The following ITFG1 variants were observed in gnomAD, a reference collection of about 807,000 sequenced individuals.
ITFG1 encodes integrin alpha FG-GAP repeat containing 1.
A neutral mutation model predicts 81.8 loss-of-function variants in ITFG1; 34 were observed. That is an observed-to-expected ratio of 0.42 (90% CI 0.32 to 0.55). The LOEUF is 0.55. ITFG1 is among the 20% of genes least tolerant of loss of function. The pLI is 0.17. For missense variants in ITFG1, 672 were observed against 755.4 expected (o/e 0.89, Z 1.29); for synonymous variants, 285 against 270.6 (o/e 1.05, Z -0.52).
intron 12 of ITFG1, among the ~76,000 whole-genome samples, chr16:47,243,144 T>A (rs914946714): frequency 6.6e-6 from 1 of 152,202 alleles, no homozygotes; most frequent in Non-Finnish European, 1.5e-5. Flanking sequence ...CATTAAATTA[T>A]GTTGTAACCA....
At chr16:47,272,072 GACA>G (rs1216475534) in intron 10 of ITFG1, among the ~76,000 whole-genome samples, 1 of 152,168 alleles carries the variant, frequency 6.6e-6, no homozygotes, top group Non-Finnish European at 1.5e-5. Flanking sequence ...ATGGTCTGTT[GACA>G]ACAGAAAGAA....
At chr16:47,437,836 C>A (rs1224625562) in intron 5 of ITFG1, among the ~76,000 whole-genome samples, 1 of 152,186 alleles carries the variant, frequency 6.6e-6, no homozygotes, top group South Asian at 2.1e-4. Flanking sequence ...CTGGGGAATG[C>A]CGGACAGTGG....
intron 5 of ITFG1, among the ~76,000 whole-genome samples, chr16:47,433,792 T>TATAC (rs1491145615): frequency 4.6e-4 from 62 of 135,634 alleles, no homozygotes; most frequent in African/African-American, 1.6e-3. Flanking sequence ...TATATATATA[T>TATAC]ACACACACAC....
At chr16:47,263,550 T>C in intron 10 of ITFG1, 1 of 265,128 alleles carries the variant, frequency 3.8e-6, no homozygotes, top group Admixed American at 4.7e-5. Flanking sequence ...CTGTCATTGG[T>C]AATATGGATA....
intron 12 of ITFG1, among the ~76,000 whole-genome samples, chr16:47,250,799 G>C (rs1236422522): frequency 6.6e-6 from 1 of 152,228 alleles, no homozygotes; most frequent in Non-Finnish European, 1.5e-5. Flanking sequence ...GCAGGTCAGA[G>C]AGCTACTGGG....
chr16:47,166,010 C>T (rs192843761), intron 14 of ITFG1, among the ~76,000 whole-genome samples: 23 of 152,258 alleles, frequency 1.5e-4, no homozygotes, highest in Admixed American at 5.2e-4. Flanking sequence ...AGGCCATGAC[C>T]GGAAGTGAGG....
At position 47,460,825 on chromosome 16, in the gene ITFG1, G is replaced by A; in HGVS notation, c.208+13C>T. The A allele has an allele frequency of 1.9e-6, 3 of 1,612,246 alleles. No homozygotes were observed. Among genetic ancestry groups the A allele is most frequent in the Middle Eastern group, 1.7e-4 (1 of 6,050 alleles). The stretch of plus-strand genomic sequence containing the variant: ...CGGACAGCGAACAGAGGGAGGGCCC[G>A]GCAAGCACTGACTTTCCCGCAGCAC... On this transcript the variant is annotated intron_variant, in intron 1 of 17. Coordinates refer to ENST00000320640, the MANE Select transcript of ITFG1 (RefSeq NM_030790.5).
intron 10 of ITFG1, 37 bp from the exon 11 acceptor site, chr16:47,260,732 C>T (rs752592518): frequency 2.5e-6 from 4 of 1,607,956 alleles, no homozygotes; most frequent in Non-Finnish European, 3.4e-6. Flanking sequence ...TTAATATAAA[C>T]ATCAACACTG....
chr16:47,260,220 A>G (rs2151542169), intron 11 of ITFG1, among the ~76,000 whole-genome samples: 1 of 152,014 alleles, frequency 6.6e-6, no homozygotes, highest in Admixed American at 6.6e-5. Context: ...TACAGGTGTG[A>G]GCCACCGCGC....
At chr16:47,176,255 C>T (rs920356403) in intron 14 of ITFG1, among the ~76,000 whole-genome samples, 2 of 152,232 alleles carry the variant, frequency 1.3e-5, no homozygotes, top group Non-Finnish European at 2.9e-5. Flanking sequence ...GTTCTCATTA[C>T]TCACAGGGGA....
chr16:47,253,653 G>T (rs1270549369), intron 12 of ITFG1, among the ~76,000 whole-genome samples: 1 of 152,126 alleles, frequency 6.6e-6, no homozygotes, highest in African/African-American at 2.4e-5. Flanking sequence ...GCATTAGTTA[G>T]ATTCTCATAA....
intron 8 of ITFG1, among the ~76,000 whole-genome samples, chr16:47,353,716 T>C (rs1015041298): frequency 6.6e-6 from 1 of 151,828 alleles, no homozygotes; most frequent in African/African-American, 2.4e-5. Context: ...CAAATCAACA[T>C]GCAAAAATCA....
intron 8 of ITFG1, chr16:47,365,500 T>TGCCTC: frequency 3.3e-6 from 1 of 300,618 alleles, no homozygotes. Context: ...CGGTAATTAA[T>TGCCTC]ACCTGGAATT....
chr16:47,267,019 G>A (rs1966284509), intron 10 of ITFG1, among the ~76,000 whole-genome samples: 1 of 152,178 alleles, frequency 6.6e-6, no homozygotes, highest in Non-Finnish European at 1.5e-5. Context: ...CTAGTAATTA[G>A]CTGGGGCTGA....
intron 8 of ITFG1, among the ~76,000 whole-genome samples, chr16:47,334,943 T>A (rs1361266752): frequency 2.0e-5 from 3 of 151,960 alleles, no homozygotes; most frequent in Middle Eastern, 3.4e-3. Context: ...CAGGAAAAAA[T>A]TTTTCTGTCC....
At chr16:47,317,627 A>T (rs1967381439) in intron 8 of ITFG1, 1 of 152,230 alleles carries the variant, frequency 6.6e-6, no homozygotes, top group South Asian at 2.1e-4. Context: ...CTAACAAATC[A>T]CAACCTCAGG....
At position 47,313,858 on chromosome 16, in the gene ITFG1, C is replaced by T; in HGVS notation, c.803-35G>A. On this transcript the variant is annotated intron_variant, in intron 8 of 17. Transcript: ENST00000320640. ...GAAACTTCAAGAGTCCATTAATAGTCACAAAATAAAGTGTTCTTGTATGGT... is the reference window on the plus strand; with the variant it reads ...GAAACTTCAAGAGTCCATTAATAGTTACAAAATAAAGTGTTCTTGTATGGT... The T allele has an allele frequency of 1.6e-6, 2 of 1,250,548 alleles. 1 individual carries two copies. The highest frequency in any genetic ancestry group is 2.3e-6 in the Non-Finnish European group (2 of 871,748). 77.5% of individuals were successfully genotyped at this position (1,250,548 alleles called of 1,614,324 possible). A position where few individuals can be genotyped will look rare whatever the true frequency, so the allele number is the denominator to read the frequency against.
intron 5 of ITFG1, among the ~76,000 whole-genome samples, chr16:47,433,974 G>A (rs542693100): frequency 1.2e-4 from 17 of 143,866 alleles, no homozygotes; most frequent in East Asian, 4.1e-4. Flanking sequence ...TCCTTCTACC[G>A]TTGAAGTTGC....
chr16:47,377,439 T>C (rs374001148), intron 6 of ITFG1, among the ~76,000 whole-genome samples: 1 of 152,314 alleles, frequency 6.6e-6, no homozygotes. Flanking sequence ...TCAGCTGTTA[T>C]GTGAAGGCTA....
Sources: allele counts gnomAD v4.1 joint callset (sites outside exome capture counted in the v4.1 genomes callset), GRCh38; gene constraint gnomAD v4.1.1; transcripts MANE v1.5; gene names NCBI Gene and HGNC (gene_info 2026-07-23, HGNC 2026-07-21).